Variants in HABP2 observed in about 807,000 individuals in gnomAD.
HABP2 encodes hyaluronan binding protein 2.
Under a neutral mutation model 66.5 loss-of-function variants are expected in HABP2, and 65 were observed. The observed-to-expected ratio is 0.98, with a 90% CI of 0.80 to 1.20. HABP2 has a LOEUF of 1.20. HABP2 is among the 50% of genes most tolerant of loss of function. The pLI is 0.00. For synonymous variants in HABP2, 263 were observed against 253.9 expected, an observed-to-expected ratio of 1.04 and a Z score of -0.34; for missense variants, 786 against 691.0, an observed-to-expected ratio of 1.14 and a Z score of -1.54.
In HABP2 at chr10:113,585,779, C is replaced by T. The variant is rs767718399; in HGVS notation, c.1373-14C>T. On this transcript the variant is annotated splice_polypyrimidine_tract_variant and intron_variant, in intron 11 of 12. Transcript: ENST00000351270. The stretch of plus-strand genomic sequence containing the variant: ...CCCACAGTAGTGACTCTTTTCTCTG[C>T]ACCTTCCCCACAGGAAAAGGGTCCC... The T allele has an allele frequency of 1.9e-6, 3 of 1,610,532 alleles. No homozygotes were observed. The highest frequency in any genetic ancestry group is 1.7e-6 in the Non-Finnish European group (2 of 1,176,752).
Position 113,581,850 on chromosome 10 carries a change from C to A in HABP2, c.839-26C>A, listed in dbSNP as rs1168740441. ...GGAACTGGAGGGAGGCTGAATAGCA[C>A]AATTTATCTTTCTTGTGTCCCACAG... On this transcript the variant is annotated intron_variant, in intron 8 of 12. Coordinates refer to ENST00000351270, the MANE Select transcript of HABP2 (RefSeq NM_004132.5). 3.7e-6 allele frequency: 6 copies of A among 1,612,918 alleles called. No homozygotes were observed. The African/African-American group carries it at 4.0e-5, about 11-fold the overall frequency.
chr10:113,583,122 T>C (rs1289178992), intron 9 of HABP2, 94 bp from the exon 10 acceptor site: 1 of 1,028,212 alleles, frequency 9.7e-7, no homozygotes, highest in East Asian at 2.4e-5. Flanking sequence ...GGGTTACAAA[T>C]GAGGAGGCTG....
chr10:113,581,806 T>G, intron 8 of HABP2, 70 bp from the exon 9 acceptor site: 1 of 1,532,536 alleles, frequency 6.5e-7, no homozygotes, highest in Non-Finnish European at 9.0e-7. Flanking sequence ...GAGTCATACC[T>G]CTGCCTGAGC....
chr10:113,560,153 T>G (rs1219252413), intron 1 of HABP2, among the ~76,000 whole-genome samples: 2 of 152,134 alleles, frequency 1.3e-5, no homozygotes, highest in Non-Finnish European at 2.9e-5. Context: ...TTCCACATTC[T>G]CCCTTGAGAG....
At chr10:113,554,658 C>T (rs1279174950) in intron 1 of HABP2, among the ~76,000 whole-genome samples, 1 of 152,104 alleles carries the variant, frequency 6.6e-6, no homozygotes, top group African/African-American at 2.4e-5. Context: ...TCATCGGAGG[C>T]CCACGCGGGG....
rs1341745538 is a variant in HABP2, at chr10:113,588,230, G to C, written c.1544G>C (p.Cys515Ser). The C allele has an allele frequency of 6.2e-7, 1 of 1,611,840 alleles. No individual in the cohort carries two copies. Among genetic ancestry groups the C allele is most frequent in the Non-Finnish European group, 8.5e-7 (1 of 1,178,914 alleles). Residue 515 changes from cysteine to serine, a missense_variant, in exon 13 of 13, where the codon TGT becomes TCT. Physicochemically the swap from Cys to Ser is moderately radical, Grantham distance 112 (BLOSUM62 -1). Transcript: ENST00000351270. ...CQGDSGGPLT[C>S]EKDGTYYVYG... Reference sequence around the variant, plus strand: ...GGTGACTCTGGAGGCCCCCTGACCTGTGAGAAGGACGGCACCTACTACGTC... The same window carrying C: ...GGTGACTCTGGAGGCCCCCTGACCTCTGAGAAGGACGGCACCTACTACGTC...
At chr10:113,553,949 G>C (rs1003826351) in intron 1 of HABP2, among the ~76,000 whole-genome samples, 1 of 152,190 alleles carries the variant, frequency 6.6e-6, no homozygotes, top group Non-Finnish European at 1.5e-5. Context: ...CACAGAAATA[G>C]AGTCTCCTTG....
chr10:113,565,759 A>C (rs1259660040), intron 1 of HABP2, among the ~76,000 whole-genome samples: 2 of 152,140 alleles, frequency 1.3e-5, no homozygotes, highest in East Asian at 3.9e-4. Flanking sequence ...CACACACTGC[A>C]TTTCGTTGCC....
chr10:113,582,320 G>A (rs1336795021), intron 9 of HABP2, among the ~76,000 whole-genome samples, 189 bp downstream of exon 9: 1 of 152,246 alleles, frequency 6.6e-6, no homozygotes, highest in East Asian at 1.9e-4. Flanking sequence ...CATGGGCACT[G>A]CATTTATTAT....
At position 113,588,337 on chromosome 10, in the gene HABP2, A is replaced by G. The variant is rs947574241; in HGVS notation, c.1651A>G (p.Lys551Glu). The change falls in exon 13 of 13, where the codon AAA (lysine) becomes GAA (glutamate). Residue 551 changes from lysine to glutamate, a missense_variant. Lys to Glu is a moderately conservative substitution (Grantham distance 56, BLOSUM62 1). Transcript: ENST00000351270. ...TQVTKFLNWIKATIKSESGF is the reference protein window; with the variant it reads ...TQVTKFLNWIEATIKSESGF ...AGTTACCAAATTCCTGAATTGGATC[A>G]AAGCCACCATCAAAAGTGAAAGTGG... 2 of 1,613,578 alleles carry G rather than the reference A, an allele frequency of 1.2e-6. No homozygotes were observed. The highest frequency in any genetic ancestry group is 2.7e-5 in the African/African-American group (2 of 74,916).
Position 113,588,795 on chromosome 10 carries a change from T to C in HABP2, c.*426T>C, listed in dbSNP as rs985583521. 1 of 608,070 alleles carries C rather than the reference T, an allele frequency of 1.6e-6. No homozygotes were observed. Among genetic ancestry groups the C allele is most frequent in the Non-Finnish European group, 2.9e-6 (1 of 342,178 alleles). The allele number at this position is 608,070 out of a possible 1,614,324, so 37.7% of individuals were successfully genotyped here. On this transcript the variant is annotated 3_prime_UTR_variant, in exon 13 of 13. Coordinates refer to ENST00000351270, the MANE Select transcript of HABP2 (RefSeq NM_004132.5). ...ACAGAATCAGCCATCCACGTCTAGG[T>C]ATCAGAGAGGACCACAAATACAACA...
At chr10:113,555,991 G>A (rs1253127596) in intron 1 of HABP2, among the ~76,000 whole-genome samples, 1 of 152,182 alleles carries the variant, frequency 6.6e-6, no homozygotes, top group East Asian at 1.9e-4. Flanking sequence ...GACAATGTTT[G>A]TCAAGCTTGC....
At chr10:113,573,814 T>C (rs1374852641) in intron 2 of HABP2, among the ~76,000 whole-genome samples, 1 of 152,212 alleles carries the variant, frequency 6.6e-6, no homozygotes, top group African/African-American at 2.4e-5. Context: ...TTCAGCTTGG[T>C]GACTAATGAA....
chr10:113,562,725 G>A (rs763419554), intron 1 of HABP2, among the ~76,000 whole-genome samples: 45 of 152,222 alleles, frequency 3.0e-4, no homozygotes, highest in Non-Finnish European at 3.2e-4. Flanking sequence ...GATTACAGGC[G>A]TAAGCCACTG....
At chr10:113,577,334 T>G in intron 5 of HABP2, 68 bp downstream of exon 5, 1 of 842,054 alleles carries the variant, frequency 1.2e-6, no homozygotes, top group Non-Finnish European at 2.1e-6. Context: ...CCCTTCTGCA[T>G]GGAAGGCCAG....
At chr10:113,574,443 A>C (rs562968285) in intron 3 of HABP2, 38 bp downstream of exon 3, 1 of 1,029,806 alleles carries the variant, frequency 9.7e-7, no homozygotes, top group Non-Finnish European at 1.5e-6. Flanking sequence ...CTCCTGGGAG[A>C]AGGTCAGAGC....
Position 113,589,553 on chromosome 10 carries a change from C to G in HABP2, c.*1184C>G. ...CGCCTTGTTTGAGCTGCGTTTCACA[C>G]TTCTTTAGAGCTAGCTGACCTTTGG... On this transcript the variant is annotated 3_prime_UTR_variant, in exon 13 of 13. Coordinates refer to ENST00000351270, the MANE Select transcript of HABP2 (RefSeq NM_004132.5). The G allele has an allele frequency of 7.5e-7, 1 of 1,325,092 alleles. No individual in the cohort carries two copies. The highest frequency in any genetic ancestry group is 2.2e-5 in the Admixed American group (1 of 46,226). 82.1% of individuals were successfully genotyped at this position (1,325,092 alleles called of 1,614,324 possible). A position where few individuals can be genotyped will look rare whatever the true frequency, so the allele number is the denominator to read the frequency against.
In HABP2 at chr10:113,588,836, CAG is replaced by C. The variant is rs1845739929; in HGVS notation, c.*470_*471del. The C allele has an allele frequency of 1.4e-6, 1 of 691,580 alleles. No homozygotes were observed. Among genetic ancestry groups the C allele is most frequent in the South Asian group, 1.8e-5 (1 of 56,638 alleles). The allele number at this position is 691,580 out of a possible 1,614,324, so 42.8% of individuals were successfully genotyped here. On this transcript the variant is annotated 3_prime_UTR_variant, in exon 13 of 13. Transcript: ENST00000351270. ...AAATACAACATTCTCCATCTGCTTT[CAG>C]AGTTATTATTTTAATAAAGGAAGAT...
rs758782490 is a variant in HABP2, at chr10:113,582,100, T to C, written c.1063T>C (p.Cys355Arg). The change falls in exon 9 of 13, where the codon TGC becomes CGC. Residue 355 changes from cysteine to arginine, a missense_variant. Transcript: ENST00000351270. Reference sequence around the variant, plus strand: ...CTGTGGTGGGGCGCTGATCCACCCCTGCTGGGTGCTCACTGCTGCCCACTG... The same window carrying C: ...CTGTGGTGGGGCGCTGATCCACCCCCGCTGGGTGCTCACTGCTGCCCACTG... ...HFCGGALIHPCWVLTAAHCTD... is the reference protein window; with the variant it reads ...HFCGGALIHPRWVLTAAHCTD... 8 of 1,609,658 alleles carry C rather than the reference T, an allele frequency of 5.0e-6. No individual in the cohort carries two copies. The East Asian group carries it at 1.8e-4, about 36-fold the overall frequency.
Sources: allele counts gnomAD v4.1 joint callset (sites outside exome capture counted in the v4.1 genomes callset), GRCh38; gene constraint gnomAD v4.1.1; transcripts MANE v1.5; gene names NCBI Gene and HGNC (gene_info 2026-07-23, HGNC 2026-07-21).